SPOCK3: variants seen among roughly 807,000 people sequenced by gnomAD.
SPOCK3 encodes SPARC (osteonectin), cwcv and kazal like domains proteoglycan 3, also known as testican-3.
Under a neutral mutation model 56.6 loss-of-function variants are expected in SPOCK3, and 30 were observed. That is an observed-to-expected ratio of 0.53 (90% confidence interval 0.40 to 0.72). SPOCK3 has a LOEUF of 0.72. Ranked by LOEUF, SPOCK3 falls within the 30% of genes least tolerant of loss-of-function variation. The pLI is 0.00. For synonymous variants in SPOCK3, 196 were observed against 183.3 expected (o/e 1.07, Z -0.56); for missense variants, 527 against 530.0 (o/e 0.99, Z 0.06).
intron 4 of SPOCK3, among the ~76,000 whole-genome samples, chr4:166,940,321 T>C (rs1306429624): frequency 6.6e-6 from 1 of 152,020 alleles, no homozygotes; most frequent in Non-Finnish European, 1.5e-5. Context: ...TTGGCCTGAG[T>C]TTCAGCCACT....
chr4:167,083,093 C>A, intron 2 of SPOCK3: 1 of 731,792 alleles, frequency 1.4e-6, no homozygotes. Context: ...AAAGAGCCCC[C>A]CTCACACAAT....
intron 7 of SPOCK3, among the ~76,000 whole-genome samples, chr4:166,771,020 A>AT (rs1738866745): frequency 6.7e-6 from 1 of 149,314 alleles, no homozygotes; most frequent in Admixed American, 6.7e-5. Context: ...TGCTATATAT[A>AT]TTATACATAG....
chr4:166,959,286 G>C (rs751726546), intron 4 of SPOCK3, among the ~76,000 whole-genome samples: 3 of 152,084 alleles, frequency 2.0e-5, no homozygotes, highest in Non-Finnish European at 1.5e-5. Context: ...TGAGAAAAAT[G>C]AGAAAACTAG....
intron 2 of SPOCK3, among the ~76,000 whole-genome samples, chr4:167,132,684 C>G (rs1027317356): frequency 7.9e-5 from 12 of 152,214 alleles, no homozygotes; most frequent in African/African-American, 2.9e-4. Context: ...TTGGCAGAAG[C>G]TAGGGGAACA....
chr4:167,199,032 G>A (rs1580592880), intron 2 of SPOCK3, among the ~76,000 whole-genome samples: 1 of 151,878 alleles, frequency 6.6e-6, no homozygotes, highest in African/African-American at 2.4e-5. Context: ...ACATAATAAA[G>A]TGATCACTAT....
chr4:167,211,128 C>G (rs115864078), intron 2 of SPOCK3, among the ~76,000 whole-genome samples: 2,670 of 152,212 alleles, frequency 0.018, 31 homozygotes, highest in Non-Finnish European at 0.026. Flanking sequence ...TAAAGGAGAT[C>G]ATTTTGGAGC....
chr4:167,129,140 C>A (rs1462600954), intron 2 of SPOCK3, among the ~76,000 whole-genome samples: 1 of 152,176 alleles, frequency 6.6e-6, no homozygotes, highest in Admixed American at 6.5e-5. Context: ...CATGTAAAAG[C>A]ATAATCAGCA....
chr4:167,064,643 A>T (rs1398932786), intron 2 of SPOCK3, among the ~76,000 whole-genome samples: 1 of 151,836 alleles, frequency 6.6e-6, no homozygotes, highest in Non-Finnish European at 1.5e-5. Flanking sequence ...ACAGAAAGCT[A>T]GACATGCACA....
intron 4 of SPOCK3, among the ~76,000 whole-genome samples, chr4:166,926,176 GC>G (rs59615211): frequency 0.19 from 29,346 of 152,028 alleles, 3,151 homozygotes; most frequent in South Asian, 0.26. Context: ...AATTTTACAA[GC>G]CCTTTGACCG....
intron 5 of SPOCK3, among the ~76,000 whole-genome samples, chr4:166,893,582 TA>T (rs138889176): frequency 0.077 from 11,731 of 152,046 alleles, 541 homozygotes; most frequent in Non-Finnish European, 0.1. Flanking sequence ...ATGCAACTGA[TA>T]AAAAAATATA....
At chr4:167,024,297 G>T (rs1010015810) in intron 3 of SPOCK3, among the ~76,000 whole-genome samples, 2 of 152,108 alleles carry the variant, frequency 1.3e-5, no homozygotes, top group South Asian at 2.1e-4. Context: ...AATTAAAAAT[G>T]AGTTTAGAAA....
chr4:167,203,947 A>G (rs1006459074), intron 2 of SPOCK3, among the ~76,000 whole-genome samples: 1 of 152,136 alleles, frequency 6.6e-6, no homozygotes, highest in Non-Finnish European at 1.5e-5. Context: ...ACATTTCTGT[A>G]GCAGAAACTG....
At chr4:167,056,662 G>A (rs560411032) in intron 3 of SPOCK3, among the ~76,000 whole-genome samples, 12 of 152,266 alleles carry the variant, frequency 7.9e-5, no homozygotes, top group African/African-American at 1.4e-4. Flanking sequence ...GAGCCAATGC[G>A]ATCAACTGGA....
chr4:166,966,263 T>C (rs536404969), intron 4 of SPOCK3, among the ~76,000 whole-genome samples: 1 of 150,780 alleles, frequency 6.6e-6, no homozygotes, highest in South Asian at 2.1e-4. Context: ...TCCCGTCAAG[T>C]GTTTTCTTGA....
chr4:167,119,679 T>C (rs903401652), intron 2 of SPOCK3: 15 of 696,768 alleles, frequency 2.2e-5, no homozygotes, highest in Non-Finnish European at 3.3e-5. Flanking sequence ...GTTTGATGCA[T>C]ATCAGAAAAA....
At chr4:166,913,452 G>A (rs1287584470) in intron 4 of SPOCK3, among the ~76,000 whole-genome samples, 1 of 151,992 alleles carries the variant, frequency 6.6e-6, no homozygotes, top group East Asian at 1.9e-4. Flanking sequence ...TGGCTTGAAA[G>A]TTAGAAAAAA....
chr4:167,008,144 T>C (rs1358355813), intron 3 of SPOCK3, among the ~76,000 whole-genome samples: 1 of 152,020 alleles, frequency 6.6e-6, no homozygotes, highest in Non-Finnish European at 1.5e-5. Context: ...TCCATTAGTA[T>C]TATAATAGCA....
chr4:166,946,949 A>C (rs977008527), intron 4 of SPOCK3, among the ~76,000 whole-genome samples: 2 of 152,206 alleles, frequency 1.3e-5, no homozygotes, highest in African/African-American at 4.8e-5. Flanking sequence ...ATTTTGATTT[A>C]AGATGGACAA....
intron 6 of SPOCK3, among the ~76,000 whole-genome samples, chr4:166,837,488 TGCTCTA>T (rs1396970976): frequency 5.3e-5 from 8 of 152,124 alleles, no homozygotes; most frequent in African/African-American, 1.7e-4. Context: ...TTTTACTGCT[TGCTCTA>T]GCCATTACAT....
Sources: gnomAD v4.1 joint callset for allele counts (sites outside exome capture counted in the v4.1 genomes callset) on GRCh38, gnomAD v4.1.1 for gene constraint, MANE v1.5 for transcripts, NCBI Gene and HGNC (gene_info 2026-07-23, HGNC 2026-07-21) for gene names.